Variants in NAP1L4 observed in about 807,000 individuals in gnomAD.
NAP1L4 encodes the protein nucleosome assembly protein 1-like 4.
A neutral mutation model predicts 58.2 loss-of-function variants in NAP1L4; 15 were observed. The ratio of observed to expected loss-of-function variants is 0.26; its 90% confidence interval spans 0.17 to 0.40. NAP1L4 has a LOEUF of 0.40. Among genes scored for constraint, NAP1L4 ranks in the 10% least tolerant of loss-of-function variants. The pLI is 1.00. For missense variants in NAP1L4, 384 were observed against 451.1 expected, an observed-to-expected ratio of 0.85 and a Z score of 1.35; for synonymous variants, 171 against 155.6, an observed-to-expected ratio of 1.10 and a Z score of -0.74.
rs1258152160 is a variant in NAP1L4, at chr11:2,948,938, C to T, written c.*32+289G>A. ...GTGTGCCACCGTGCAGACTGCTGACCATCCAGGGCCCTCTTACTGGAAAGC... is the reference window on the plus strand; with the variant it reads ...GTGTGCCACCGTGCAGACTGCTGACTATCCAGGGCCCTCTTACTGGAAAGC... On this transcript the variant is annotated intron_variant, in intron 15 of 15. Coordinates refer to ENST00000380542, the MANE Select transcript of NAP1L4 (RefSeq NM_005969.4). This position sits in a 1 kb window ranked among gnomAD's most constrained non-coding sequence, Gnocchi z 5.1. 6.6e-6 allele frequency among the ~76,000 whole-genome samples: 1 copy of T among 152,204 alleles called. No individual in the cohort carries two copies. Among genetic ancestry groups the T allele is most frequent in the Non-Finnish European group, 1.5e-5 (1 of 68,036 alleles).
chr11:2,970,438 A>AT (rs748741245), intron 6 of NAP1L4, among the ~76,000 whole-genome samples: 40 of 151,662 alleles, frequency 2.6e-4, no homozygotes, highest in Admixed American at 6.6e-4. Flanking sequence ...AAAAAAAAAA[A>AT]TTGCCGCAGC....
intron 8 of NAP1L4, among the ~76,000 whole-genome samples, chr11:2,962,095 C>T (rs1383228551): frequency 6.9e-6 from 1 of 144,070 alleles, no homozygotes. Context: ...TGGCTCATGT[C>T]TGTAATCCCA....
Position 2,949,211 on chromosome 11 carries a change from T to C in NAP1L4, c.*32+16A>G, listed in dbSNP as rs773055696. 6.4e-7 allele frequency: 1 copy of C among 1,571,728 alleles called. No individual in the cohort carries two copies. The highest frequency in any genetic ancestry group is 8.8e-7 in the Non-Finnish European group (1 of 1,142,480). ...CAGAAGTTTGGAAGTTAGGTATGAA[T>C]GGAATTCCACCTTACCTAGAAACGT... On this transcript the variant is annotated intron_variant, in intron 15 of 15. Coordinates refer to ENST00000380542, the MANE Select transcript of NAP1L4 (RefSeq NM_005969.4). This position sits in a 1 kb window ranked among gnomAD's most constrained non-coding sequence, Gnocchi z 4.0.
At chr11:2,960,201 G>C in intron 8 of NAP1L4, 1 of 305,128 alleles carries the variant, frequency 3.3e-6, no homozygotes, top group East Asian at 6.7e-5. Context: ...TCTCTTAGCT[G>C]CTCCCAGCCC....
chr11:2,958,681 G>T, intron 9 of NAP1L4, 137 bp from the exon 10 acceptor site: 1 of 830,304 alleles, frequency 1.2e-6, no homozygotes, highest in Non-Finnish European at 1.8e-6. Context: ...AAATACAATG[G>T]CCCATGAAGT....
At chr11:2,953,682 T>C (rs2001006) in intron 12 of NAP1L4, among the ~76,000 whole-genome samples, 40,114 of 152,220 alleles carry the variant, frequency 0.26, 7,137 homozygotes, top group East Asian at 0.69. Flanking sequence ...CGCTGGCCTA[T>C]TCTCCCCACT....
intron 3 of NAP1L4, 125 bp from the exon 4 acceptor site, chr11:2,976,248 T>C (rs1847951506): frequency 1.3e-5 from 8 of 629,992 alleles, no homozygotes; most frequent in Middle Eastern, 2.6e-4. Context: ...TCTAAATACA[T>C]ACACCAGTGA....
At chr11:2,990,263 T>G (rs1848881185) in intron 1 of NAP1L4, 1 of 152,178 alleles carries the variant, frequency 6.6e-6, no homozygotes, top group Non-Finnish European at 1.5e-5. Flanking sequence ...CGTGTTAAAA[T>G]GGTTCATAAA....
rs777891297 is a variant in NAP1L4, at chr11:2,969,936, T to TA, written c.403-3dup. 96 of 1,600,714 alleles carry TA rather than the reference T, an allele frequency of 6.0e-5. No individual in the cohort carries two copies. Among genetic ancestry groups the TA allele is most frequent in the Middle Eastern group, 3.3e-4 (2 of 6,002 alleles). ...GACTACTTTACTTTTCATGTCTCCCTAAAAAAAAGATGCAACATAGGTAAC... is the reference window on the plus strand; with the variant it reads ...GACTACTTTACTTTTCATGTCTCCCTAAAAAAAAAGATGCAACATAGGTAAC... On this transcript the variant is annotated splice_region_variant and splice_polypyrimidine_tract_variant and intron_variant, in intron 6 of 15. Transcript: ENST00000380542.
At chr11:2,967,560 A>T (rs527338233) in intron 7 of NAP1L4, among the ~76,000 whole-genome samples, 3 of 151,706 alleles carry the variant, frequency 2.0e-5, no homozygotes, top group African/African-American at 7.3e-5. Context: ...ACAGTGAGCC[A>T]AGATCACGCC....
intron 1 of NAP1L4, among the ~76,000 whole-genome samples, chr11:2,982,091 G>A (rs893536739): frequency 6.6e-6 from 1 of 152,164 alleles, no homozygotes; most frequent in Admixed American, 6.5e-5. Context: ...TAAAGAATGA[G>A]GTGTTTTTTT....
chr11:2,956,140 C>A (rs1382506924), intron 10 of NAP1L4, among the ~76,000 whole-genome samples: 1 of 152,234 alleles, frequency 6.6e-6, no homozygotes, highest in Admixed American at 6.5e-5. Context: ...TCATGTCCCG[C>A]AGAACTATAC....
chr11:2,953,095 A>G (rs1199516636), intron 12 of NAP1L4, among the ~76,000 whole-genome samples: 1 of 152,202 alleles, frequency 6.6e-6, no homozygotes, highest in Admixed American at 6.5e-5. Flanking sequence ...GAGCTACTAA[A>G]GGGAGAATGG....
rs1845862446 is a variant in NAP1L4 at position 2,944,905 on chromosome 11, G to T, written c.*774C>A. The T allele has an allele frequency of 6.6e-6, 1 of 152,198 alleles. No individual in the cohort carries two copies. The highest frequency in any genetic ancestry group is 1.5e-5 in the Non-Finnish European group (1 of 68,044). The allele number at this position is 152,198 out of a possible 1,614,324, so 9.4% of individuals were successfully genotyped here. ...GGAAGTGGCACATCTTCCTGCTCAGGGCACCAAGGTGGTTCAGAAACGTTA... is the reference window on the plus strand; with the variant it reads ...GGAAGTGGCACATCTTCCTGCTCAGTGCACCAAGGTGGTTCAGAAACGTTA... On this transcript the variant is annotated 3_prime_UTR_variant, in exon 16 of 16. Transcript: ENST00000380542.
At chr11:2,989,657 A>G (rs1435701646) in intron 1 of NAP1L4, among the ~76,000 whole-genome samples, 1 of 152,230 alleles carries the variant, frequency 6.6e-6, no homozygotes. Context: ...AGGAAAACAA[A>G]ATAAAGATTT....
intron 1 of NAP1L4, among the ~76,000 whole-genome samples, chr11:2,986,205 C>T (rs1220617975): frequency 1.3e-5 from 2 of 152,022 alleles, no homozygotes; most frequent in Non-Finnish European, 2.9e-5. Flanking sequence ...GAAATTCCAT[C>T]TCCATTAAAA....
At chr11:2,960,710 A>C (rs568484383) in intron 8 of NAP1L4, among the ~76,000 whole-genome samples, 57 of 152,324 alleles carry the variant, frequency 3.7e-4, no homozygotes, top group African/African-American at 1.4e-3. Flanking sequence ...AAAAAAATTA[A>C]ATTAAAAGGC....
intron 3 of NAP1L4, among the ~76,000 whole-genome samples, chr11:2,977,209 T>C (rs939898274): frequency 6.6e-6 from 1 of 151,802 alleles, no homozygotes. Flanking sequence ...GTGTGAAAGT[T>C]TGCTGAAGAG....
rs60502894 is a variant in NAP1L4, at chr11:2,948,068, A to AG, written c.*32+1158dup. Among the ~76,000 whole-genome samples the AG allele has an allele frequency of 1, 152,321 of 152,326 alleles. 76,158 individuals are homozygous for AG. The highest frequency in any genetic ancestry group is 1 in the Middle Eastern group (294 of 294). ...GGTGGCATGGGAGGGGTGGCGTGGG[A>AG]GAGTGGGTGAGGGTACAGGTGGAAT... On this transcript the variant is annotated intron_variant, in intron 15 of 15. Transcript: ENST00000380542. The surrounding 1 kb of genome is among the most constrained non-coding windows in gnomAD (Gnocchi z 5.1).
Sources: gnomAD v4.1 joint callset for allele counts (sites outside exome capture counted in the v4.1 genomes callset) on GRCh38, gnomAD v4.1.1 for gene constraint, Gnocchi (gnomAD v3.1) non-coding constraint, MANE v1.5 for transcripts, NCBI Gene and HGNC (gene_info 2026-07-23, HGNC 2026-07-21) for gene names.